GPR158: variants seen among roughly 807,000 people sequenced by gnomAD.
GPR158 encodes G protein-coupled receptor 158, also known as metabotropic glycine receptor.
A neutral mutation model predicts 78.2 loss-of-function variants in GPR158; 30 were observed. The ratio of observed to expected loss-of-function variants is 0.38; its 90% CI spans 0.29 to 0.52. The LOEUF (loss-of-function observed/expected upper bound fraction) is 0.52. Ranked by LOEUF, GPR158 falls within the 20% of genes least tolerant of loss-of-function variation. The pLI is 0.83. For synonymous variants in GPR158, 581 were observed against 591.1 expected (o/e 0.98, Z 0.25); for missense variants, 1,463 against 1,523.5 (o/e 0.96, Z 0.66).
chr10:25,446,961 T>C (rs2130596141), intron 4 of GPR158, among the ~76,000 whole-genome samples: 1 of 152,322 alleles, frequency 6.6e-6, no homozygotes, highest in East Asian at 1.9e-4. Context: ...GCTTTATTTG[T>C]TTTTTATGGT....
chr10:25,585,100 A>T (rs897181671), intron 7 of GPR158, among the ~76,000 whole-genome samples: 5 of 152,252 alleles, frequency 3.3e-5, no homozygotes, highest in African/African-American at 9.6e-5. Context: ...TTAATCAGTT[A>T]CAAAGAATGC....
chr10:25,582,263 A>G lies in GPR158; in HGVS notation c.1754-6744A>G, dbSNP rs555303412. Reference sequence around the variant, plus strand: ...GACCTGGACCCTGTGCTCTGAGAGGACTTCCATCTGAGTCTGCCTTTGTGA... The same window carrying G: ...GACCTGGACCCTGTGCTCTGAGAGGGCTTCCATCTGAGTCTGCCTTTGTGA... On this transcript the variant is annotated intron_variant, in intron 7 of 10. Transcript: ENST00000376351. Among the ~76,000 whole-genome samples, 36 of 152,248 alleles carry G rather than the reference A, an allele frequency of 2.4e-4. No individual in the cohort carries two copies. The South Asian group carries it at 7.2e-3, about 31-fold the overall frequency.
At chr10:25,588,983 G>A (rs780413568) in intron 7 of GPR158, 24 bp from the exon 8 acceptor site, 17 of 1,494,458 alleles carry the variant, frequency 1.1e-5, no homozygotes, top group Middle Eastern at 1.8e-4. Flanking sequence ...TAAAACTCAT[G>A]AAAATGGTTT....
At chr10:25,403,296 C>T (rs976602178) in intron 3 of GPR158, among the ~76,000 whole-genome samples, 2 of 151,960 alleles carry the variant, frequency 1.3e-5, no homozygotes, top group East Asian at 3.9e-4. Flanking sequence ...AGTTAACATA[C>T]TGTTCACAAA....
chr10:25,394,039 G>GCATT (rs1834337145), intron 2 of GPR158, among the ~76,000 whole-genome samples: 1 of 151,912 alleles, frequency 6.6e-6, no homozygotes, highest in African/African-American at 2.4e-5. Context: ...TCACTTCACC[G>GCATT]TGAGCATTTC....
intron 2 of GPR158, among the ~76,000 whole-genome samples, chr10:25,330,448 A>G (rs1191723657): frequency 6.6e-6 from 1 of 152,142 alleles, no homozygotes; most frequent in South Asian, 2.1e-4. Context: ...TGCTCTTTGG[A>G]TAGTTTATTA....
At chr10:25,238,179 G>T (rs1392692850) in intron 2 of GPR158, among the ~76,000 whole-genome samples, 2 of 152,170 alleles carry the variant, frequency 1.3e-5, no homozygotes, top group Non-Finnish European at 2.9e-5. Flanking sequence ...AAGGCTGTGG[G>T]AGTCCACTTC....
intron 2 of GPR158, among the ~76,000 whole-genome samples, chr10:25,356,641 G>A (rs929765568): frequency 4.6e-5 from 7 of 152,044 alleles, no homozygotes; most frequent in Non-Finnish European, 8.8e-5. Context: ...GCATGCTGCT[G>A]TGCACATAAG....
At chr10:25,512,646 G>A (rs780807229) in intron 5 of GPR158, among the ~76,000 whole-genome samples, 5 of 151,942 alleles carry the variant, frequency 3.3e-5, no homozygotes, top group Non-Finnish European at 5.9e-5. Context: ...TTCCCTGTTC[G>A]GTATAATGTT....
At chr10:25,273,033 G>T (rs572091142) in intron 2 of GPR158, among the ~76,000 whole-genome samples, 1 of 152,118 alleles carries the variant, frequency 6.6e-6, no homozygotes, top group Non-Finnish European at 1.5e-5. Flanking sequence ...CAATTAGTTC[G>T]TGGCACCTGG....
chr10:25,520,478 T>G (rs1046452007), intron 5 of GPR158, among the ~76,000 whole-genome samples: 1 of 150,330 alleles, frequency 6.7e-6, no homozygotes, highest in Non-Finnish European at 1.5e-5. Flanking sequence ...AGTTTTTCTG[T>G]TCTGTTTTTT....
intron 5 of GPR158, among the ~76,000 whole-genome samples, chr10:25,484,136 C>A (rs866493667): frequency 7.2e-5 from 11 of 152,250 alleles, no homozygotes; most frequent in Middle Eastern, 3.4e-3. Context: ...AGCCCTACCC[C>A]ACTGTTATCT....
rs143685633 is a variant in GPR158, at chr10:25,247,142, G to T, written c.1008+25985G>T. On this transcript the variant is annotated intron_variant, in intron 2 of 10. Coordinates refer to ENST00000376351, the MANE Select transcript of GPR158 (RefSeq NM_020752.3). ...GAGCCATGCTTCTTTTCCTGAGAAG[G>T]TCATTTGTACTCTGACATCCCATTG... Among the ~76,000 whole-genome samples the T allele has an allele frequency of 8.2e-3, 1,251 of 152,166 alleles. 14 individuals carry two copies. Among genetic ancestry groups the T allele is most frequent in the South Asian group, 0.034 (166 of 4,814 alleles).
At chr10:25,460,771 A>G (rs2130611712) in intron 4 of GPR158, among the ~76,000 whole-genome samples, 1 of 152,312 alleles carries the variant, frequency 6.6e-6, no homozygotes, top group Non-Finnish European at 1.5e-5. Flanking sequence ...TGCTTGACAG[A>G]TACCATGTGT....
chr10:25,175,427 G>A lies in GPR158; in HGVS notation c.7G>A (p.Ala3Thr). The A allele has an allele frequency of 2.6e-6, 4 of 1,539,254 alleles. No homozygotes were observed. Among genetic ancestry groups the A allele is most frequent in the Non-Finnish European group, 3.5e-6 (4 of 1,141,796 alleles). Reference sequence around the variant, plus strand: ...TCTTCTCTCTGGGAGGCAGATGGGAGCCATGGCTTACCCCTTACTCCTCTG... The same window carrying A: ...TCTTCTCTCTGGGAGGCAGATGGGAACCATGGCTTACCCCTTACTCCTCTG... MG[A>T]MAYPLLLCLL... The change falls in exon 1 of 11, where the codon GCC becomes ACC. Residue 3 changes from alanine (A) to threonine (T), a missense_variant. By Grantham distance (58) the Ala-to-Thr change is moderately conservative. Transcript: ENST00000376351. The surrounding 1 kb of genome is among the most constrained non-coding windows in gnomAD (Gnocchi z 6.4).
chr10:25,340,528 C>G (rs2130505644), intron 2 of GPR158, among the ~76,000 whole-genome samples: 1 of 151,946 alleles, frequency 6.6e-6, no homozygotes, highest in Admixed American at 6.6e-5. Context: ...GAACTAGAAA[C>G]TAGTAAAAGA....
intron 7 of GPR158, among the ~76,000 whole-genome samples, chr10:25,579,033 A>AAAAT (rs1362300112): frequency 1.7e-5 from 2 of 116,170 alleles, no homozygotes; most frequent in Admixed American, 7.8e-5. Context: ...TAAAAATAAA[A>AAAAT]AAATAAAGAT....
intron 5 of GPR158, among the ~76,000 whole-genome samples, chr10:25,521,149 T>C (rs961461268): frequency 5.9e-5 from 9 of 152,204 alleles, no homozygotes; most frequent in African/African-American, 1.9e-4. Flanking sequence ...CGTCACCCCT[T>C]TCTTTGACTC....
At chr10:25,422,850 A>ACCCCCCCCCCCCCCTTTCCC (rs11424448) in intron 4 of GPR158, among the ~76,000 whole-genome samples, 1 of 130,274 alleles carries the variant, frequency 7.7e-6, no homozygotes, top group African/African-American at 2.9e-5. Context: ...TTATTCCCTT[A>ACCCCCCCCCCCCCCTTTCCC]CCCCCCCCAC....
Sources: gnomAD v4.1 joint callset for allele counts (sites outside exome capture counted in the v4.1 genomes callset) on GRCh38, gnomAD v4.1.1 for gene constraint, Gnocchi (gnomAD v3.1) non-coding constraint, MANE v1.5 for transcripts, NCBI Gene and HGNC (gene_info 2026-07-23, HGNC 2026-07-21) for gene names.